Variants in TDRD5 observed in about 807,000 individuals in gnomAD.
TDRD5 encodes the protein tudor domain-containing protein 5.
Under a neutral mutation model 120.6 loss-of-function variants are expected in TDRD5, and 41 were observed. The ratio of observed to expected loss-of-function variants is 0.34; its 90% CI spans 0.26 to 0.44. The LOEUF is 0.44. Among genes scored for constraint, TDRD5 ranks in the 20% least tolerant of loss-of-function variants. The pLI is 1.00. For missense variants in TDRD5, 1,006 were observed against 1,221.2 expected, an observed-to-expected ratio of 0.82 and a Z score of 2.63; for synonymous variants, 430 against 433.7, an observed-to-expected ratio of 0.99 and a Z score of 0.11.
chr1:179,674,516 A>G (rs564620662), intron 17 of TDRD5, among the ~76,000 whole-genome samples: 1 of 151,874 alleles, frequency 6.6e-6, no homozygotes, highest in South Asian at 2.1e-4. Context: ...TGTTGTTGTT[A>G]TGTCCTTTCC....
In TDRD5 at chr1:179,654,236, T is replaced by A; in HGVS notation, c.2196T>A (p.Leu732=). The A allele has an allele frequency of 6.5e-7, 1 of 1,548,396 alleles. No homozygotes were observed. Among genetic ancestry groups the A allele is most frequent in the Non-Finnish European group, 8.7e-7 (1 of 1,145,854 alleles). Residue 732 remains leucine, a synonymous_variant, in exon 14 of 18, where the codon CTT becomes CTA. Coordinates refer to ENST00000444136, the MANE Select transcript of TDRD5 (RefSeq NM_001199085.3). ...ATGATGAAAAGTCTTTAAGTCATCT[T>A]AAATCTGAGTCAAAGGAGCCATTAA... ...DINDEKSLSH[L]KSESKEPLKD... is the part of the protein sequence containing the mutation.
At chr1:179,650,556 T>C (rs1678657453) in intron 11 of TDRD5, among the ~76,000 whole-genome samples, 1 of 152,196 alleles carries the variant, frequency 6.6e-6, no homozygotes, top group Admixed American at 6.5e-5. Flanking sequence ...TCATAATTCT[T>C]TTACCTAGAA....
At chr1:179,617,319 G>A (rs144320552) in intron 4 of TDRD5, among the ~76,000 whole-genome samples, 62 of 152,258 alleles carry the variant, frequency 4.1e-4, no homozygotes, top group Non-Finnish European at 6.2e-4. Flanking sequence ...CCATGTAAGC[G>A]CTGCTTGCCA....
chr1:179,658,587 C>A (rs7520355), intron 14 of TDRD5, among the ~76,000 whole-genome samples: 51,253 of 151,916 alleles, frequency 0.34, 8,879 homozygotes, highest in Admixed American at 0.42. Context: ...TTATAGTATT[C>A]CCTTATTATC....
intron 3 of TDRD5, among the ~76,000 whole-genome samples, 194 bp downstream of exon 3, chr1:179,594,061 G>C (rs1675259649): frequency 6.6e-6 from 1 of 152,156 alleles, no homozygotes; most frequent in Non-Finnish European, 1.5e-5. Flanking sequence ...TTCCCTCTCA[G>C]GGTTGTGTTG....
Position 179,650,834 on chromosome 1 carries a change from T to C in TDRD5, c.1801-33T>C, listed in dbSNP as rs755579905. 1.7e-5 allele frequency: 27 copies of C among 1,595,632 alleles called. No homozygotes were observed. The South Asian group carries it at 2.8e-4, about 16-fold the overall frequency. ...TTATTATAATTCATGTTTAGATCTA[T>C]CACCTGAATCCAATATCTTGATCAT... On this transcript the variant is annotated intron_variant, in intron 11 of 17. Transcript: ENST00000444136.
chr1:179,659,156 A>G (rs1188432731), intron 14 of TDRD5, among the ~76,000 whole-genome samples: 1 of 152,124 alleles, frequency 6.6e-6, no homozygotes, highest in Non-Finnish European at 1.5e-5. Context: ...TGTTTTGTCA[A>G]CACAGGATGT....
At chr1:179,678,788 T>G (rs1364258017) in intron 17 of TDRD5, among the ~76,000 whole-genome samples, 2 of 152,200 alleles carry the variant, frequency 1.3e-5, no homozygotes, top group African/African-American at 4.8e-5. Flanking sequence ...ATAGCTCTTT[T>G]GGGATTTTCT....
intron 6 of TDRD5, among the ~76,000 whole-genome samples, chr1:179,625,458 A>G (rs1298141243): frequency 6.6e-6 from 1 of 152,220 alleles, no homozygotes; most frequent in East Asian, 1.9e-4. Flanking sequence ...AGACGAGTCT[A>G]TAGCTCCATA....
At position 179,686,032 on chromosome 1, in the gene TDRD5, C is replaced by A. The variant is rs374312888; in HGVS notation, c.2861-4664C>A. On this transcript the variant is annotated intron_variant, in intron 17 of 17. Transcript: ENST00000444136. ...CTCTTTTCCTAACTGAATACCCTTT[C>A]TTTCTTTCTCCTGCCTGATTGCCCT... is the stretch of plus-strand genomic sequence containing the variant. Among the ~76,000 whole-genome samples the A allele has an allele frequency of 2.5e-4, 38 of 152,174 alleles. 1 individual carries two copies. The South Asian group carries it at 7.3e-3, about 29-fold the overall frequency.
At chr1:179,611,114 G>A (rs1407705443) in intron 4 of TDRD5, among the ~76,000 whole-genome samples, 1 of 151,678 alleles carries the variant, frequency 6.6e-6, no homozygotes, top group African/African-American at 2.4e-5. Context: ...CTGGAATGCA[G>A]TGGTGTGATC....
chr1:179,615,695 C>G (rs901271715), intron 4 of TDRD5, among the ~76,000 whole-genome samples: 1 of 152,004 alleles, frequency 6.6e-6, no homozygotes, highest in Admixed American at 6.6e-5. Flanking sequence ...ATAGATATCC[C>G]TAACTTTTCC....
intron 4 of TDRD5, among the ~76,000 whole-genome samples, chr1:179,598,143 T>G (rs1472210994): frequency 6.6e-6 from 1 of 152,232 alleles, no homozygotes. Flanking sequence ...TTGGACTGAA[T>G]GCTGTAGGCA....
rs1678876193 is a variant in TDRD5 at position 179,654,320 on chromosome 1, G to A, written c.2280G>A (p.Lys760=). The A allele has an allele frequency of 1.3e-6, 2 of 1,549,498 alleles. No homozygotes were observed. The highest frequency in any genetic ancestry group is 1.7e-6 in the Non-Finnish European group (2 of 1,146,412). ...TCNKSFEEDP[K]WSNPEPNDLK... is the part of the protein sequence containing the mutation. ...ATAAGAGCTTTGAAGAAGATCCAAAGTGGTCCAACCCAGAACCAAACGATC... is the reference window on the plus strand; with the variant it reads ...ATAAGAGCTTTGAAGAAGATCCAAAATGGTCCAACCCAGAACCAAACGATC... The change falls in exon 14 of 18, where the codon AAG becomes AAA. Residue 760 remains lysine (K), a synonymous_variant. Coordinates refer to ENST00000444136, the MANE Select transcript of TDRD5 (RefSeq NM_001199085.3).
rs538503439 is a variant in TDRD5, at chr1:179,663,398, T to G, written c.2556T>G (p.Pro852=). 6.2e-7 allele frequency: 1 copy of G among 1,613,846 alleles called. No individual in the cohort carries two copies. Among genetic ancestry groups the G allele is most frequent in the Non-Finnish European group, 8.5e-7 (1 of 1,179,884 alleles). ...PKDTWDDSWQ[P]SGLVNGTKVE... ...ATACATGGGATGATTCTTGGCAGCC[T>G]TCAGGCCTTGTAAATGGAACGAAAG... Residue 852 remains proline (P), a synonymous_variant, in exon 16 of 18, where the codon CCT becomes CCG. Transcript: ENST00000444136.
intron 17 of TDRD5, among the ~76,000 whole-genome samples, chr1:179,673,590 C>A (rs1679967195): frequency 6.6e-6 from 1 of 152,142 alleles, no homozygotes; most frequent in Non-Finnish European, 1.5e-5. Flanking sequence ...GATGGAACAA[C>A]TTGAAGCAAA....
intron 6 of TDRD5, among the ~76,000 whole-genome samples, chr1:179,630,269 T>C (rs1448599176): frequency 1.3e-5 from 2 of 152,198 alleles, no homozygotes; most frequent in African/African-American, 4.8e-5. Flanking sequence ...AGTGCTGGGA[T>C]TACAGGCGTG....
rs185147597 is a variant in TDRD5, at chr1:179,603,114, T to G, written c.831+7296T>G. On this transcript the variant is annotated intron_variant, in intron 4 of 17. Transcript: ENST00000444136. ...TTGCCTCCTCGGTTAGGTATATTCC[T>G]AAGTATTTTGTTATTTTTGCAGCTA... Among the ~76,000 whole-genome samples, 433 of 152,314 alleles carry G rather than the reference T, an allele frequency of 2.8e-3. 2 individuals are homozygous for G. Among genetic ancestry groups the G allele is most frequent in the Middle Eastern group, 0.01 (3 of 294 alleles).
intron 7 of TDRD5, among the ~76,000 whole-genome samples, chr1:179,632,977 C>T (rs990111187): frequency 6.6e-6 from 1 of 152,084 alleles, no homozygotes; most frequent in African/African-American, 2.4e-5. Context: ...ACATCACCTG[C>T]AATTTATTGA....
Sources: allele counts gnomAD v4.1 joint callset (sites outside exome capture counted in the v4.1 genomes callset), GRCh38; gene constraint gnomAD v4.1.1; transcripts MANE v1.5; gene names NCBI Gene and HGNC (gene_info 2026-07-23, HGNC 2026-07-21).